The following SLC12A1 variants were observed in gnomAD, a reference collection of about 807,000 sequenced individuals.
SLC12A1 encodes the protein solute carrier family 12 member 1.
SLC12A1 carries 89 observed loss-of-function variants against 130.4 expected under a neutral mutation model. The observed-to-expected ratio is 0.68, with a 90% confidence interval of 0.58 to 0.81. The LOEUF (loss-of-function observed/expected upper bound fraction) is 0.81. SLC12A1 is among the 40% of genes least tolerant of loss of function. SLC12A1 has a pLI of 0.00. For synonymous variants in SLC12A1, 499 were observed against 460.0 expected (o/e 1.08, Z -1.09); for missense variants, 1,310 against 1,336.4 (o/e 0.98, Z 0.31).
intron 14 of SLC12A1, 38 bp from the exon 15 acceptor site, chr15:48,251,577 T>C: frequency 6.5e-7 from 1 of 1,545,212 alleles, no homozygotes; most frequent in Non-Finnish European, 8.9e-7. Flanking sequence ...ATGATCATAG[T>C]AGAGTGGAAG....
At chr15:48,290,056 C>T (rs994279488) in intron 23 of SLC12A1, among the ~76,000 whole-genome samples, 5 of 152,236 alleles carry the variant, frequency 3.3e-5, no homozygotes, top group African/African-American at 7.2e-5. Context: ...GAGCTTAAAA[C>T]GTATTGTACA....
chr15:48,230,585 C>A (rs1433461902), intron 7 of SLC12A1, 82 bp downstream of exon 7: 3 of 849,676 alleles, frequency 3.5e-6, no homozygotes, highest in African/African-American at 1.7e-5. Context: ...ACTCCATATT[C>A]AAAAGGAATT....
At position 48,259,183 on chromosome 15, in the gene SLC12A1, C is replaced by A. The variant is rs1395721367; in HGVS notation, c.2043-17C>A. On this transcript the variant is annotated splice_polypyrimidine_tract_variant and intron_variant, in intron 16 of 26. Transcript: ENST00000380993. ...TTCTTGCAGGGGCTCATTTTCACAT[C>A]TTTTTTTTACTTCCAGGCCCCAGTG... 18 of 1,529,140 alleles carry A rather than the reference C, an allele frequency of 1.2e-5. No homozygotes were observed. Among genetic ancestry groups the A allele is most frequent in the Non-Finnish European group, 1.5e-5 (17 of 1,103,428 alleles). 94.7% of individuals were successfully genotyped at this position (1,529,140 alleles called of 1,614,324 possible).
At chr15:48,217,687 T>C (rs916014218) in intron 2 of SLC12A1, 1 of 152,160 alleles carries the variant, frequency 6.6e-6, no homozygotes, top group African/African-American at 2.4e-5. Context: ...CCCATAGAGA[T>C]GGAAGATAAA....
chr15:48,248,206 A>C (rs1181980639), intron 13 of SLC12A1, among the ~76,000 whole-genome samples: 4 of 152,202 alleles, frequency 2.6e-5, no homozygotes, highest in African/African-American at 7.2e-5. Flanking sequence ...AGTGCCAAGC[A>C]ATGAGGGCTC....
chr15:48,253,087 A>G (rs889481259), intron 15 of SLC12A1, among the ~76,000 whole-genome samples: 2 of 152,242 alleles, frequency 1.3e-5, no homozygotes, highest in African/African-American at 4.8e-5. Context: ...AGGGTAACCC[A>G]GAGCCACCCT....
At chr15:48,298,999 C>G in intron 24 of SLC12A1, 141 bp from the exon 25 acceptor site, 1 of 752,638 alleles carries the variant, frequency 1.3e-6, no homozygotes, top group Admixed American at 3.4e-5. Flanking sequence ...ACAGTAAATT[C>G]CCTGCAAAGA....
rs1460581030 is a variant in SLC12A1, at chr15:48,230,473, T to C, written c.945T>C (p.Ile315=). 2 of 1,612,196 alleles carry C rather than the reference T, an allele frequency of 1.2e-6. No homozygotes were observed. Among genetic ancestry groups the C allele is most frequent in the Non-Finnish European group, 1.7e-6 (2 of 1,179,020 alleles). ...GSITVVILLG[I]SVAGMEWEAK... ...TCACAGTGGTGATTCTTCTAGGAAT[T>C]TCAGTAGCTGGAATGGAATGGGAGG... The change falls in exon 7 of 27, where the codon ATT becomes ATC. Residue 315 remains isoleucine, a synonymous_variant. Transcript: ENST00000380993.
chr15:48,241,854 G>T (rs1290023929), intron 10 of SLC12A1, among the ~76,000 whole-genome samples: 4 of 152,146 alleles, frequency 2.6e-5, no homozygotes, highest in Admixed American at 6.5e-5. Flanking sequence ...CACAAAGAGG[G>T]TCCCATTTTA....
chr15:48,300,859 G>T (rs1475265730), intron 25 of SLC12A1, among the ~76,000 whole-genome samples: 2 of 152,214 alleles, frequency 1.3e-5, no homozygotes, highest in Admixed American at 1.3e-4. Context: ...TATAATTTAT[G>T]TTCTTAGAGT....
At chr15:48,295,075 CT>C (rs758402841) in intron 24 of SLC12A1, among the ~76,000 whole-genome samples, 159 of 136,140 alleles carry the variant, frequency 1.2e-3, no homozygotes, top group East Asian at 1.7e-3. Flanking sequence ...CTATACCCAG[CT>C]TTTTTTTTTT....
chr15:48,259,488 T>C (rs939507911), intron 17 of SLC12A1, among the ~76,000 whole-genome samples, 177 bp downstream of exon 17: 1 of 152,198 alleles, frequency 6.6e-6, no homozygotes, highest in African/African-American at 2.4e-5. Context: ...ATCCTGAATT[T>C]AAACAGGTAG....
At chr15:48,230,236 T>G (rs911202838) in intron 6 of SLC12A1, among the ~76,000 whole-genome samples, 157 bp from the exon 7 acceptor site, 1 of 151,974 alleles carries the variant, frequency 6.6e-6, no homozygotes, top group Non-Finnish European at 1.5e-5. Flanking sequence ...AAATGCTAGG[T>G]TTTTTATCTT....
chr15:48,221,273 T>C (rs541581024), intron 4 of SLC12A1: 14 of 699,318 alleles, frequency 2.0e-5, no homozygotes, highest in African/African-American at 1.9e-4. Flanking sequence ...TATAATAGCA[T>C]GTTAATTTTA....
intron 9 of SLC12A1, among the ~76,000 whole-genome samples, chr15:48,235,781 G>T (rs939676498): frequency 6.6e-6 from 1 of 152,116 alleles, no homozygotes; most frequent in Non-Finnish European, 1.5e-5. Context: ...CCAAAAGGTA[G>T]CCCAGAAACC....
At position 48,208,170 on chromosome 15, in the gene SLC12A1, C is replaced by A. The variant is rs1178697952; in HGVS notation, c.420+31C>A. 2.0e-6 allele frequency: 3 copies of A among 1,530,902 alleles called. No homozygotes were observed. In the African/African-American group the frequency reaches 4.2e-5, roughly 21 times the overall value. 94.8% of individuals were successfully genotyped at this position (1,530,902 alleles called of 1,614,324 possible). ...CTTGAAGGACACAAGCAAGTCTCCT[C>A]CCTTATTCATAACTTCAGATAATTT... On this transcript the variant is annotated intron_variant, in intron 2 of 26. Coordinates refer to ENST00000380993, the MANE Select transcript of SLC12A1 (RefSeq NM_000338.3).
chr15:48,217,471 C>A (rs2041137922), intron 2 of SLC12A1, among the ~76,000 whole-genome samples: 1 of 152,062 alleles, frequency 6.6e-6, no homozygotes. Context: ...ATTATTTGTG[C>A]AAATAAGGAC....
At chr15:48,214,982 T>C (rs574272352) in intron 2 of SLC12A1, among the ~76,000 whole-genome samples, 1 of 151,920 alleles carries the variant, frequency 6.6e-6, no homozygotes, top group South Asian at 2.1e-4. Flanking sequence ...CAACCTGAGA[T>C]TAAAGGATCA....
At position 48,263,242 on chromosome 15, in the gene SLC12A1, G is replaced by A. The variant is rs76078171; in HGVS notation, c.2154+3931G>A. On this transcript the variant is annotated intron_variant, in intron 17 of 26. Coordinates refer to ENST00000380993, the MANE Select transcript of SLC12A1 (RefSeq NM_000338.3). ...TCAAAAGTTAATTGAATTGAAAGTC[G>A]ATTCCATTGACCTGGGATTTGGAAC... 5.8e-4 allele frequency among the ~76,000 whole-genome samples: 89 copies of A among 152,176 alleles called. No homozygotes were observed. In the East Asian group the frequency reaches 0.016, roughly 27 times the overall value.
Sources: allele counts gnomAD v4.1 joint callset (sites outside exome capture counted in the v4.1 genomes callset), GRCh38; gene constraint gnomAD v4.1.1; transcripts MANE v1.5; gene names NCBI Gene and HGNC (gene_info 2026-07-23, HGNC 2026-07-21).